Variants in ZFHX4 observed in about 807,000 individuals in gnomAD.
The protein encoded by ZFHX4 is zinc finger homeobox protein 4.
A neutral mutation model predicts 267.6 loss-of-function variants in ZFHX4; 56 were observed. The ratio of observed to expected loss-of-function variants is 0.21; its 90% confidence interval spans 0.17 to 0.26. ZFHX4 has a LOEUF of 0.26. Among genes scored for constraint, ZFHX4 ranks in the 10% least tolerant of loss-of-function variants. The probability of loss-of-function intolerance (pLI) is 1.00; values close to 1 mark genes in which losing one functional copy is unlikely to be tolerated. For synonymous variants in ZFHX4, 1,778 were observed against 1,665.6 expected (o/e 1.07, Z -1.64); for missense variants, 4,332 against 4,420.0 (o/e 0.98, Z 0.56).
At position 76,854,724 on chromosome 8, in the gene ZFHX4, C is replaced by T. The variant is rs1383927953; in HGVS notation, c.7803C>T (p.Asp2601=). 2 of 1,613,008 alleles carry T rather than the reference C, an allele frequency of 1.2e-6. No homozygotes were observed. The highest frequency in any genetic ancestry group is 1.3e-5 in the African/African-American group (1 of 74,840). The change falls in exon 10 of 11, where the codon GAC becomes GAT. Residue 2601 remains aspartate (D), a synonymous_variant. Coordinates refer to ENST00000651372, the MANE Select transcript of ZFHX4 (RefSeq NM_024721.5). ...SEKEGGNSGE[D]QHRDKRLRTT... is the part of the protein sequence containing the mutation. The stretch of plus-strand genomic sequence containing the variant: ...AAGAAGGAGGGAATAGCGGTGAAGA[C>T]CAACACCGAGATAAACGCTTGAGAA...
intron 3 of ZFHX4, among the ~76,000 whole-genome samples, chr8:76,776,692 G>A (rs562650652): frequency 3.9e-5 from 6 of 152,252 alleles, no homozygotes; most frequent in South Asian, 2.1e-4. Flanking sequence ...CATGAGCTAC[G>A]CTGCACTTCT....
chr8:76,709,772 T>A (rs1414919417), intron 3 of ZFHX4, among the ~76,000 whole-genome samples: 2 of 150,908 alleles, frequency 1.3e-5, no homozygotes, highest in East Asian at 3.9e-4. Context: ...ATTATTTAAA[T>A]GTATGTGTGC....
chr8:76,776,788 GATTTTTTAAAAA>G (rs1316644421), intron 3 of ZFHX4, among the ~76,000 whole-genome samples: 1 of 152,008 alleles, frequency 6.6e-6, no homozygotes, highest in Non-Finnish European at 1.5e-5. Flanking sequence ...CACTTCATTT[GATTTTTTAAAAA>G]ATACTAAAAG....
chr8:76,849,743 A>G, intron 8 of ZFHX4, 31 bp downstream of exon 8: 2 of 1,575,414 alleles, frequency 1.3e-6, no homozygotes, highest in Non-Finnish European at 1.7e-6. Flanking sequence ...TGCATGTGTG[A>G]CATAATCTGT....
intron 4 of ZFHX4, among the ~76,000 whole-genome samples, chr8:76,803,254 G>A (rs988081363): frequency 4.0e-5 from 6 of 151,294 alleles, no homozygotes; most frequent in South Asian, 2.1e-4. Context: ...GTGTGCATGC[G>A]CGTGTGTGCG....
In ZFHX4 at chr8:76,856,329, GTT is replaced by G. The variant is rs765826262; in HGVS notation, c.9379+30_9379+31del. 35 of 1,610,304 alleles carry G rather than the reference GTT, an allele frequency of 2.2e-5. No individual in the cohort carries two copies. In the African/African-American group the frequency reaches 2.4e-4, roughly 11 times the overall value. On this transcript the variant is annotated intron_variant, in intron 10 of 10. Transcript: ENST00000651372. ...AGTCATTTAAAGGAGACTCAGTCTA[GTT>G]AATTAAGTAGCATCAGGTAGACAGT...
chr8:76,752,506 A>AAAAAAAAAAAAAAAC, intron 3 of ZFHX4, among the ~76,000 whole-genome samples: 1 of 150,440 alleles, frequency 6.6e-6, no homozygotes. Flanking sequence ...AAAAAAAAAA[A>AAAAAAAAAAAAAAAC]AAAGAAAAAA....
chr8:76,837,247 C>T (rs1812115609), intron 5 of ZFHX4, among the ~76,000 whole-genome samples: 1 of 151,974 alleles, frequency 6.6e-6, no homozygotes, highest in Admixed American at 6.6e-5. Flanking sequence ...AGGAAATTCT[C>T]AGAAAGGCAG....
chr8:76,762,630 T>A (rs1379918111), intron 3 of ZFHX4, among the ~76,000 whole-genome samples: 3 of 152,194 alleles, frequency 2.0e-5, no homozygotes, highest in Non-Finnish European at 2.9e-5. Flanking sequence ...ATTATTACAC[T>A]ACTCGTCACA....
At chr8:76,762,781 T>C (rs1309448520) in intron 3 of ZFHX4, among the ~76,000 whole-genome samples, 1 of 152,176 alleles carries the variant, frequency 6.6e-6, no homozygotes, top group African/African-American at 2.4e-5. Flanking sequence ...CTAAAACATA[T>C]TGTAATCATC....
rs1468054404 is a variant in ZFHX4 at position 76,864,360 on chromosome 8, C to G, written c.10646C>G (p.Ser3549Cys). The G allele has an allele frequency of 1.9e-6, 3 of 1,613,874 alleles. No homozygotes were observed. Among genetic ancestry groups the G allele is most frequent in the Non-Finnish European group, 2.5e-6 (3 of 1,179,868 alleles). The change falls in exon 11 of 11, where the codon TCC (serine) becomes TGC (cysteine). Residue 3549 changes from serine to cysteine, a missense_variant. By Grantham distance (112) the Ser-to-Cys change is moderately radical. Coordinates refer to ENST00000651372, the MANE Select transcript of ZFHX4 (RefSeq NM_024721.5). ...ASPPSSPPSL[S>C]LPSTVTSSLC... ...CCCCCTTCTTCTCCTCCTTCCCTTT[C>G]CTTGCCTTCAACGGTTACCTCAAGT...
chr8:76,800,521 T>C (rs934170253), intron 4 of ZFHX4, among the ~76,000 whole-genome samples: 4 of 152,186 alleles, frequency 2.6e-5, no homozygotes, highest in Admixed American at 6.6e-5. Context: ...GTGGCAGCCA[T>C]GGTAGAAGGC....
At chr8:76,759,511 G>T (rs1809853514) in intron 3 of ZFHX4, among the ~76,000 whole-genome samples, 1 of 152,184 alleles carries the variant, frequency 6.6e-6, no homozygotes, top group African/African-American at 2.4e-5. Flanking sequence ...AGGCCAGGGA[G>T]TTGGTTGATT....
chr8:76,814,796 C>T (rs1371306872), intron 4 of ZFHX4, among the ~76,000 whole-genome samples: 2 of 152,014 alleles, frequency 1.3e-5, no homozygotes, highest in South Asian at 4.1e-4. Flanking sequence ...TTCAGAACTT[C>T]CTAGGTCCAT....
At chr8:76,818,549 A>G (rs1811564306) in intron 4 of ZFHX4, among the ~76,000 whole-genome samples, 1 of 152,182 alleles carries the variant, frequency 6.6e-6, no homozygotes. Context: ...CAGAGAGCTC[A>G]TTCAAAGCCA....
At chr8:76,694,428 T>C (rs1807901858) in intron 1 of ZFHX4, among the ~76,000 whole-genome samples, 1 of 152,172 alleles carries the variant, frequency 6.6e-6, no homozygotes, top group South Asian at 2.1e-4. Context: ...TACCCTGTGA[T>C]AAAGACAAGC....
chr8:76,774,747 G>C (rs1205569010), intron 3 of ZFHX4, among the ~76,000 whole-genome samples: 1 of 151,966 alleles, frequency 6.6e-6, no homozygotes, highest in East Asian at 1.9e-4. Flanking sequence ...ATTCAGGTCT[G>C]TACAGTATTT....
At chr8:76,695,944 T>C (rs1241848193) in intron 1 of ZFHX4, among the ~76,000 whole-genome samples, 1 of 152,230 alleles carries the variant, frequency 6.6e-6, no homozygotes. Context: ...GGTTGATGTT[T>C]GGTGGTAAAC....
intron 3 of ZFHX4, among the ~76,000 whole-genome samples, chr8:76,739,858 T>C (rs1489054886): frequency 6.6e-6 from 1 of 152,166 alleles, no homozygotes; most frequent in Admixed American, 6.6e-5. Flanking sequence ...AAATTCAGGC[T>C]CTAAAATTAT....
Sources: gnomAD v4.1 joint callset for allele counts (sites outside exome capture counted in the v4.1 genomes callset) on GRCh38, gnomAD v4.1.1 for gene constraint, MANE v1.5 for transcripts, NCBI Gene and HGNC (gene_info 2026-07-23, HGNC 2026-07-21) for gene names.